ANXA2: variants seen among roughly 807,000 people sequenced by gnomAD.
ANXA2 encodes the protein annexin A2.
A neutral mutation model predicts 47.3 loss-of-function variants in ANXA2; 28 were observed. The observed-to-expected ratio is 0.59, with a 90% confidence interval of 0.44 to 0.81. The LOEUF is 0.81. Ranked by LOEUF, ANXA2 falls within the 40% of genes least tolerant of loss-of-function variation. ANXA2 has a pLI of 0.00. For synonymous variants in ANXA2, 172 were observed against 155.5 expected (o/e 1.11, Z -0.79); for missense variants, 384 against 414.3 (o/e 0.93, Z 0.64).
intron 2 of ANXA2, among the ~76,000 whole-genome samples, chr15:60,385,177 G>A (rs1318873451): frequency 2.0e-5 from 3 of 152,162 alleles, no homozygotes; most frequent in African/African-American, 7.2e-5. Flanking sequence ...AAAGGAAACA[G>A]ATGAATTACA....
chr15:60,390,320 A>G (rs1335465655), intron 1 of ANXA2: 11 of 1,047,442 alleles, frequency 1.1e-5, no homozygotes, highest in Non-Finnish European at 1.3e-5. Flanking sequence ...TTTTCACCCT[A>G]GAAATAAAAT....
chr15:60,368,580 G>A lies in ANXA2; in HGVS notation c.149-4057C>T, dbSNP rs1220734471. On this transcript the variant is annotated intron_variant, in intron 3 of 12. Coordinates refer to ENST00000451270, the MANE Select transcript of ANXA2 (RefSeq NM_004039.3). ...TACTGTTAAGTAAAAAAAAAAAAAG[G>A]TTGCAAAGCAGTATGCTCTGTATAC... is the stretch of plus-strand genomic sequence containing the variant. Among the ~76,000 whole-genome samples the A allele has an allele frequency of 6.6e-5, 10 of 151,516 alleles. No homozygotes were observed. In the South Asian group the frequency reaches 2.1e-3, roughly 32 times the overall value.
chr15:60,375,958 G>A (rs1297123638), intron 3 of ANXA2, among the ~76,000 whole-genome samples: 1 of 152,102 alleles, frequency 6.6e-6, no homozygotes, highest in Admixed American at 6.5e-5. Context: ...AGGTGGGGAG[G>A]AAGGAGGCTA....
At position 60,351,719 on chromosome 15, in the gene ANXA2, C is replaced by T. The variant is rs1348249820; in HGVS notation, c.778+5G>A. On this transcript the variant is annotated splice_donor_5th_base_variant and intron_variant, in intron 10 of 12. Transcript: ENST00000451270. ...CTACCAGGAATGGGGGCCACATTCA[C>T]TTACCCAGGTTCAGGAAAGCATTTT... The T allele has an allele frequency of 1.9e-6, 3 of 1,600,888 alleles. No individual in the cohort carries two copies. The highest frequency in any genetic ancestry group is 2.6e-6 in the Non-Finnish European group (3 of 1,168,204).
At chr15:60,364,291 T>G in intron 4 of ANXA2, 138 bp downstream of exon 4, 1 of 724,292 alleles carries the variant, frequency 1.4e-6, no homozygotes, top group Non-Finnish European at 2.4e-6. Context: ...TACAAGGATT[T>G]AAGAAGAAAA....
chr15:60,364,332 T>G (rs537198526), intron 4 of ANXA2, 97 bp downstream of exon 4: 8 of 936,232 alleles, frequency 8.5e-6, no homozygotes, highest in African/African-American at 8.3e-5. Flanking sequence ...CACAAGTCTT[T>G]TGCGCATGAG....
intron 3 of ANXA2, among the ~76,000 whole-genome samples, chr15:60,377,553 T>A (rs2062797740): frequency 6.6e-6 from 1 of 152,198 alleles, no homozygotes; most frequent in East Asian, 1.9e-4. Context: ...CCAATGCATA[T>A]AAAAGTGTGA....
chr15:60,376,746 A>C (rs1009038717), intron 3 of ANXA2, among the ~76,000 whole-genome samples: 3 of 152,166 alleles, frequency 2.0e-5, no homozygotes, highest in African/African-American at 7.2e-5. Context: ...CATGGCAAGC[A>C]GTGCCCCCAA....
chr15:60,363,436 C>T (rs2092932828), intron 4 of ANXA2, among the ~76,000 whole-genome samples: 1 of 152,210 alleles, frequency 6.6e-6, no homozygotes. Context: ...AGAAATATCT[C>T]TTCTAGAATC....
Position 60,397,944 on chromosome 15 carries a change from TG to T in ANXA2, c.-14del. ...GCGGGCAGGGCGCGCCCCGCTTACCTGGGCCGTGCGCCGAGAGCTGAGAGCG... is the reference window on the plus strand; with the variant it reads ...GCGGGCAGGGCGCGCCCCGCTTACCTGGCCGTGCGCCGAGAGCTGAGAGCG... On this transcript the variant is annotated splice_region_variant and 5_prime_UTR_variant, in exon 1 of 13. Transcript: ENST00000451270. 7.7e-7 allele frequency: 1 copy of T among 1,298,174 alleles called. No homozygotes were observed. 80.4% of individuals were successfully genotyped at this position (1,298,174 alleles called of 1,614,324 possible).
At chr15:60,393,651 G>A in intron 1 of ANXA2, 1 of 985,418 alleles carries the variant, frequency 1.0e-6, no homozygotes, top group Non-Finnish European at 1.2e-6. Context: ...ACATCTGAAT[G>A]AGTCTTTAGG....
intron 1 of ANXA2, among the ~76,000 whole-genome samples, chr15:60,394,120 G>A (rs1251256401): frequency 1.3e-5 from 2 of 152,086 alleles, no homozygotes; most frequent in Non-Finnish European, 2.9e-5. Flanking sequence ...GTGCTGTCAG[G>A]GATACTTGGA....
Position 60,347,648 on chromosome 15 carries a change from C to G in ANXA2, c.1002G>C (p.Leu334=), listed in dbSNP as rs777953258. 3 of 1,614,084 alleles carry G rather than the reference C, an allele frequency of 1.9e-6. No individual in the cohort carries two copies. The highest frequency in any genetic ancestry group is 1.3e-5 in the African/African-American group (1 of 74,928). The change falls in exon 13 of 13, where the codon CTG becomes CTC. Residue 334 remains leucine, a synonymous_variant. Coordinates refer to ENST00000451270, the MANE Select transcript of ANXA2 (RefSeq NM_004039.3). ...KGDYQKALLY[L]CGGDD ...TCGGGCTTCAGTCATCTCCACCACACAGGTACAGCAGCGCTTTCTGGTAGT... is the reference window on the plus strand; with the variant it reads ...TCGGGCTTCAGTCATCTCCACCACAGAGGTACAGCAGCGCTTTCTGGTAGT...
intron 3 of ANXA2, among the ~76,000 whole-genome samples, chr15:60,371,617 TG>T: frequency 6.6e-6 from 1 of 152,300 alleles, no homozygotes; most frequent in African/African-American, 2.4e-5. Flanking sequence ...TTGTGTTTGA[TG>T]AAGGTCTCGG....
intron 3 of ANXA2, among the ~76,000 whole-genome samples, chr15:60,380,357 T>C (rs1039769203): frequency 6.6e-6 from 1 of 151,976 alleles, no homozygotes. Flanking sequence ...GGAGCCAGCA[T>C]TTGAACCTGG....
rs1457467782 is a variant in ANXA2, at chr15:60,382,367, G to A, written c.123C>T (p.Asn41=). Residue 41 remains asparagine, a synonymous_variant, in exon 3 of 13, where the codon AAC becomes AAT. Coordinates refer to ENST00000451270, the MANE Select transcript of ANXA2 (RefSeq NM_004039.3). ...TNFDAERDAL[N]IETAIKTKGV... is the part of the protein sequence containing the mutation. ...CTTTGGTCTTGATGGCTGTTTCAATGTTCAAAGCATCCCGCTCAGCATCAA... is the reference window on the plus strand; with the variant it reads ...CTTTGGTCTTGATGGCTGTTTCAATATTCAAAGCATCCCGCTCAGCATCAA... The A allele has an allele frequency of 1.9e-6, 3 of 1,613,848 alleles. No individual in the cohort carries two copies. The highest frequency in any genetic ancestry group is 1.1e-5 in the South Asian group (1 of 91,084).
At chr15:60,369,272 A>G (rs1032139401) in intron 3 of ANXA2, among the ~76,000 whole-genome samples, 2 of 152,340 alleles carry the variant, frequency 1.3e-5, no homozygotes, top group South Asian at 2.1e-4. Context: ...ATTCATGCCT[A>G]CCCACACATG....
At chr15:60,397,342 G>A in intron 1 of ANXA2, 1 of 985,484 alleles carries the variant, frequency 1.0e-6, no homozygotes, top group Non-Finnish European at 1.2e-6. Context: ...AGATAACCTA[G>A]AGCAAGGGGA....
intron 2 of ANXA2, chr15:60,383,547 C>G (rs1243770086): frequency 6.6e-6 from 1 of 152,238 alleles, no homozygotes; most frequent in African/African-American, 2.4e-5. Context: ...AAGGTATTAA[C>G]TTCCCTCCTT....
Sources: allele counts gnomAD v4.1 joint callset (sites outside exome capture counted in the v4.1 genomes callset), GRCh38; gene constraint gnomAD v4.1.1; transcripts MANE v1.5; gene names NCBI Gene and HGNC (gene_info 2026-07-23, HGNC 2026-07-21).